Variants in LMTK3 observed in about 807,000 individuals in gnomAD.
The protein encoded by LMTK3 is lemur tail kinase 3.
LMTK3 carries 27 observed loss-of-function variants against 116.7 expected under a neutral mutation model. That is an observed-to-expected ratio of 0.23 (90% confidence interval 0.17 to 0.32). The LOEUF is 0.32. Among genes scored for constraint, LMTK3 ranks in the 10% least tolerant of loss-of-function variants. LMTK3 has a pLI of 1.00. For synonymous variants in LMTK3, 965 were observed against 971.0 expected, an observed-to-expected ratio of 0.99 and a Z score of 0.11; for missense variants, 1,764 against 2,068.5, an observed-to-expected ratio of 0.85 and a Z score of 2.86.
chr19:48,487,031 A>ATTTTT (rs34242861), intron 14 of LMTK3, among the ~76,000 whole-genome samples: 2 of 118,374 alleles, frequency 1.7e-5, no homozygotes. Flanking sequence ...ACACCCGGCT[A>ATTTTT]TTTTTTTTTT....
chr19:48,497,980 C>T lies in LMTK3; in HGVS notation c.3089G>A (p.Trp1030Ter). The T allele has an allele frequency of 6.2e-7, 1 of 1,601,646 alleles. No individual in the cohort carries two copies. Among genetic ancestry groups the T allele is most frequent in the Non-Finnish European group, 8.5e-7 (1 of 1,175,606 alleles). ...ETGPWRAPGP[W>*]EKTPESWGPA... ...ACCCCAACTCTCGGGCGTCTTCTCC[C>T]AGGGCCCTGGGGCTCTCCAAGGCCC... The change falls in exon 11 of 15, where the codon TGG becomes TAG. Residue 1030 changes from tryptophan to a stop codon, truncating the protein, a stop_gained. Coordinates refer to ENST00000600059, the MANE Select transcript of LMTK3 (RefSeq NM_001388485.1). LOFTEE classifies it high-confidence loss of function. The surrounding 1 kb of genome is among the most constrained non-coding windows in gnomAD (Gnocchi z 5.7).
Position 48,491,485 on chromosome 19 carries a change from G to A in LMTK3, c.4147C>T (p.Pro1383Ser). The A allele has an allele frequency of 7.1e-7, 1 of 1,416,918 alleles. No individual in the cohort carries two copies. Among genetic ancestry groups the A allele is most frequent in the Non-Finnish European group, 9.2e-7 (1 of 1,085,434 alleles). The allele number at this position is 1,416,918 out of a possible 1,614,324, so 87.8% of individuals were successfully genotyped here. Residue 1383 changes from proline to serine, a missense_variant, in exon 13 of 15, where the codon CCG (proline) becomes TCG (serine). By Grantham distance (74) the Pro-to-Ser change is moderately conservative. Transcript: ENST00000600059. The surrounding 1 kb of genome is among the most constrained non-coding windows in gnomAD (Gnocchi z 5.1). ...GTCGGGGGCGCTGGAGGCGTTGACG[G>A]GTCCGTGTCCCCCTCGGGGGGGGCC... ...VQAPPEGDTD[P>S]STPPAPPTPP... is the part of the protein sequence containing the mutation.
chr19:48,494,074 G>A lies in LMTK3; in HGVS notation c.3712C>T (p.Leu1238Phe). ...LSRLSLALPP[L>F]TLTPFPGPGP... ...GGCCCCGGGAATGGCGTGAGCGTGAGCGGCGGCAGCGCCAGCGAGAGCCGG... is the reference window on the plus strand; with the variant it reads ...GGCCCCGGGAATGGCGTGAGCGTGAACGGCGGCAGCGCCAGCGAGAGCCGG... Residue 1238 changes from leucine (L) to phenylalanine (F), a missense_variant, in exon 12 of 15, where the codon CTC (leucine) becomes TTC (phenylalanine). This residue lies in a region of LMTK3 where 39 missense variants were observed against 75.4 expected (regional missense o/e 0.52). Coordinates refer to ENST00000600059, the MANE Select transcript of LMTK3 (RefSeq NM_001388485.1). This position sits in a 1 kb window ranked among gnomAD's most constrained non-coding sequence, Gnocchi z 4.0. 8.4e-7 allele frequency: 1 copy of A among 1,196,756 alleles called. No homozygotes were observed. The allele number at this position is 1,196,756 out of a possible 1,614,324, so 74.1% of individuals were successfully genotyped here.
intron 11 of LMTK3, among the ~76,000 whole-genome samples, chr19:48,496,098 C>T (rs992698731): frequency 6.6e-6 from 1 of 151,880 alleles, no homozygotes; most frequent in Non-Finnish European, 1.5e-5. Context: ...TTGTTTGTTT[C>T]TGTTTGTTTT....
In LMTK3 at chr19:48,491,344, A is replaced by T. The variant is rs1013888767; in HGVS notation, c.4228+60T>A. On this transcript the variant is annotated intron_variant, in intron 13 of 14. Coordinates refer to ENST00000600059, the MANE Select transcript of LMTK3 (RefSeq NM_001388485.1). This position sits in a 1 kb window ranked among gnomAD's most constrained non-coding sequence, Gnocchi z 5.1. ...CGACCAAGCCCCTCCCACCCCATAG[A>T]CCCCGCCCCGTCCGCCCCATGGCTC... is the stretch of plus-strand genomic sequence containing the variant. 7.6e-7 allele frequency: 1 copy of T among 1,307,860 alleles called. No homozygotes were observed. Among genetic ancestry groups the T allele is most frequent in the Non-Finnish European group, 9.8e-7 (1 of 1,015,814 alleles). 81.0% of individuals were successfully genotyped at this position (1,307,860 alleles called of 1,614,324 possible).
chr19:48,498,333 G>T lies in LMTK3; in HGVS notation c.2736C>A (p.Asn912Lys), dbSNP rs762452338. Residue 912 changes from asparagine to lysine, a missense_variant, in exon 11 of 15, where the codon AAC becomes AAA. Asn to Lys is a moderately conservative substitution (Grantham distance 94). Coordinates refer to ENST00000600059, the MANE Select transcript of LMTK3 (RefSeq NM_001388485.1). ...GLNRDPTVLGNGKQAPSLSLP... is the reference protein window; with the variant it reads ...GLNRDPTVLGKGKQAPSLSLP... ...GGCTCAGGCTTGGGGCTTGTTTCCCGTTGCCCAGGACTGTCGGGTCCCTGT... is the reference window on the plus strand; with the variant it reads ...GGCTCAGGCTTGGGGCTTGTTTCCCTTTGCCCAGGACTGTCGGGTCCCTGT... 6.2e-7 allele frequency: 1 copy of T among 1,613,044 alleles called. No homozygotes were observed. Among genetic ancestry groups the T allele is most frequent in the Non-Finnish European group, 8.5e-7 (1 of 1,179,676 alleles).
chr19:48,491,349 G>T lies in LMTK3; in HGVS notation c.4228+55C>A. 2 of 316,892 alleles carry T rather than the reference G, an allele frequency of 6.3e-6. No individual in the cohort carries two copies. Among genetic ancestry groups the T allele is most frequent in the Non-Finnish European group, 1.0e-5 (2 of 198,500 alleles). The allele number at this position is 316,892 out of a possible 1,614,324, so 19.6% of individuals were successfully genotyped here. On this transcript the variant is annotated intron_variant, in intron 13 of 14. Transcript: ENST00000600059. The surrounding 1 kb of genome is among the most constrained non-coding windows in gnomAD (Gnocchi z 5.1). ...AAGCCCCTCCCACCCCATAGACCCC[G>T]CCCCGTCCGCCCCATGGCTCCCGCC... is the stretch of plus-strand genomic sequence containing the variant.
rs1212758803 is a variant in LMTK3, at chr19:48,499,267, G to A, written c.1802C>T (p.Ala601Val). Residue 601 changes from alanine to valine, a missense_variant, in exon 11 of 15, where the codon GCG becomes GTG. By Grantham distance (64) the Ala-to-Val change is moderately conservative. Transcript: ENST00000600059. ...APRPFPAQSS[A>V]SGSFLLSGWD... The stretch of plus-strand genomic sequence containing the variant: ...GCCGCTCAGCAGGAAGCTGCCTGAC[G>A]CTGAGGACTGGGCTGGGAAGGGCCG... 2 of 1,401,672 alleles carry A rather than the reference G, an allele frequency of 1.4e-6. No individual in the cohort carries two copies. The allele number at this position is 1,401,672 out of a possible 1,614,324, so 86.8% of individuals were successfully genotyped here. A position where few individuals can be genotyped will look rare whatever the true frequency, so the allele number is the denominator to read the frequency against.
chr19:48,504,990 C>T (rs1246982459), intron 5 of LMTK3, among the ~76,000 whole-genome samples: 2 of 151,966 alleles, frequency 1.3e-5, no homozygotes, highest in African/African-American at 2.4e-5. Context: ...TCCAAGTCAA[C>T]CCGGCCTCCC....
At chr19:48,510,242 TAA>T in intron 2 of LMTK3, 69 bp from the exon 3 acceptor site, 2 of 1,537,634 alleles carry the variant, frequency 1.3e-6, no homozygotes, top group Non-Finnish European at 1.8e-6. Context: ...GTCTTTCTCT[TAA>T]GTTTGTCTCC....
Position 48,510,017 on chromosome 19 carries a change from C to G in LMTK3, c.361+6G>C. The G allele has an allele frequency of 6.2e-7, 1 of 1,613,652 alleles. No individual in the cohort carries two copies. Reference sequence around the variant, plus strand: ...ATGGGATGCTGGTCATGGCGTGGGGCAGTACCTGAGTGTGAAGGCTGCGGG... The same window carrying G: ...ATGGGATGCTGGTCATGGCGTGGGGGAGTACCTGAGTGTGAAGGCTGCGGG... On this transcript the variant is annotated splice_donor_region_variant and intron_variant, in intron 3 of 14. Coordinates refer to ENST00000600059, the MANE Select transcript of LMTK3 (RefSeq NM_001388485.1).
chr19:48,493,628 C>T lies in LMTK3; in HGVS notation c.4092+66G>A, dbSNP rs984051195. The stretch of plus-strand genomic sequence containing the variant: ...AAGCTCGGCCTCCCGCCAGGCCCTT[C>T]CCGGCTCTAGGCTCCTGCTCCCTCC... On this transcript the variant is annotated intron_variant, in intron 12 of 14. Transcript: ENST00000600059. 1.8e-3 allele frequency: 2,589 copies of T among 1,453,712 alleles called. 2 individuals are homozygous for T. Among genetic ancestry groups the T allele is most frequent in the Non-Finnish European group, 2.2e-3 (2,451 of 1,090,920 alleles). The allele number at this position is 1,453,712 out of a possible 1,614,324, so 90.1% of individuals were successfully genotyped here.
chr19:48,489,153 G>T (rs55780038), intron 14 of LMTK3, among the ~76,000 whole-genome samples: 1 of 152,204 alleles, frequency 6.6e-6, no homozygotes, highest in East Asian at 1.9e-4. Context: ...CAGTGTCTGC[G>T]GGGAGGGCCA....
chr19:48,493,892 C>G lies in LMTK3; in HGVS notation c.3894G>C (p.Ala1298=), dbSNP rs1972275527. The change falls in exon 12 of 15, where the codon GCG becomes GCC. Residue 1298 remains alanine (A), a synonymous_variant. Transcript: ENST00000600059. ...DEEAAAPGAA[A]GPRGPGRARA... ...GCGCCCTCCCGGGGCCCCGCGGCCCCGCCGCCGCGCCCGGCGCCGCCGCCT... is the reference window on the plus strand; with the variant it reads ...GCGCCCTCCCGGGGCCCCGCGGCCCGGCCGCCGCGCCCGGCGCCGCCGCCT... 2.8e-6 allele frequency: 3 copies of G among 1,053,620 alleles called. No individual in the cohort carries two copies. Among genetic ancestry groups the G allele is most frequent in the Non-Finnish European group, 3.4e-6 (3 of 877,572 alleles). 65.3% of individuals were successfully genotyped at this position (1,053,620 alleles called of 1,614,324 possible).
rs1472717009 is a variant in LMTK3, at chr19:48,485,725, T to C, written c.*48A>G. On this transcript the variant is annotated 3_prime_UTR_variant, in exon 15 of 15. Transcript: ENST00000600059. The stretch of plus-strand genomic sequence containing the variant: ...GCGCCGTCATCCACAGAGGATTCCA[T>C]TCTCAACCCCTCTTCTGAGGGTGCA... The C allele has an allele frequency of 6.3e-7, 1 of 1,596,498 alleles. No individual in the cohort carries two copies.
Position 48,491,583 on chromosome 19 carries a change from A to C in LMTK3, c.4093-44T>G, listed in dbSNP as rs1972227079. On this transcript the variant is annotated intron_variant, in intron 12 of 14. Coordinates refer to ENST00000600059, the MANE Select transcript of LMTK3 (RefSeq NM_001388485.1). The surrounding 1 kb of genome is among the most constrained non-coding windows in gnomAD (Gnocchi z 5.1). ...GGGAAGCCAGAGGGGACAAACCTTC[A>C]CGTCCCATTTACCGCATCCCCCAAA... 7.7e-7 allele frequency: 1 copy of C among 1,304,178 alleles called. No individual in the cohort carries two copies. Among genetic ancestry groups the C allele is most frequent in the Admixed American group, 3.6e-5 (1 of 27,398 alleles). 80.8% of individuals were successfully genotyped at this position (1,304,178 alleles called of 1,614,324 possible). A position where few individuals can be genotyped will look rare whatever the true frequency, so the allele number is the denominator to read the frequency against.
intron 5 of LMTK3, among the ~76,000 whole-genome samples, chr19:48,507,614 T>C (rs1186005138): frequency 2.6e-5 from 4 of 152,216 alleles, no homozygotes; most frequent in African/African-American, 9.6e-5. Context: ...ATTTTATTTA[T>C]TTATTTATAT....
Position 48,491,600 on chromosome 19 carries a change from TC to T in LMTK3, c.4093-62del. On this transcript the variant is annotated intron_variant, in intron 12 of 14. Coordinates refer to ENST00000600059, the MANE Select transcript of LMTK3 (RefSeq NM_001388485.1). The surrounding 1 kb of genome is among the most constrained non-coding windows in gnomAD (Gnocchi z 5.1). Reference sequence around the variant, plus strand: ...AAACCTTCACGTCCCATTTACCGCATCCCCCAAAAGCAACAAAACCGGCTAA... The same window carrying T: ...AAACCTTCACGTCCCATTTACCGCATCCCCAAAAGCAACAAAACCGGCTAA... 1 of 1,273,734 alleles carries T rather than the reference TC, an allele frequency of 7.9e-7. No individual in the cohort carries two copies. Among genetic ancestry groups the T allele is most frequent in the Non-Finnish European group, 1.0e-6 (1 of 997,900 alleles). 78.9% of individuals were successfully genotyped at this position (1,273,734 alleles called of 1,614,324 possible).
intron 11 of LMTK3, among the ~76,000 whole-genome samples, chr19:48,495,300 G>A (rs941539715): frequency 3.9e-5 from 6 of 152,176 alleles, no homozygotes; most frequent in Non-Finnish European, 8.8e-5. Context: ...GTGAGCCACC[G>A]CACCCAGCCT....
Sources: gnomAD v4.1 joint callset for allele counts (sites outside exome capture counted in the v4.1 genomes callset) on GRCh38, gnomAD v4.1.1 for gene constraint, gnomAD v4.1.1 regional missense constraint, Gnocchi (gnomAD v3.1) non-coding constraint, MANE v1.5 for transcripts, NCBI Gene and HGNC (gene_info 2026-07-23, HGNC 2026-07-21) for gene names.